Variants in SMAD3 observed in about 807,000 individuals in gnomAD.
The protein encoded by SMAD3 is MAD homolog 3.
Under a neutral mutation model 51.8 loss-of-function variants are expected in SMAD3, and 12 were observed. The observed-to-expected ratio is 0.23, with a 90% CI of 0.15 to 0.38. The LOEUF is 0.38. Among genes scored for constraint, SMAD3 ranks in the 10% least tolerant of loss-of-function variants. The pLI is 1.00. For synonymous variants in SMAD3, 238 were observed against 227.7 expected, an observed-to-expected ratio of 1.05 and a Z score of -0.41; for missense variants, 294 against 565.6, an observed-to-expected ratio of 0.52 and a Z score of 4.87.
At chr15:67,137,929 A>G in intron 1 of SMAD3, 1 of 814,554 alleles carries the variant, frequency 1.2e-6, no homozygotes, top group Admixed American at 2.0e-5. Context: ...GACAGAGAAA[A>G]TAGGAGGTAC....
chr15:67,128,212 A>G (rs1295075546), intron 1 of SMAD3: 1 of 152,230 alleles, frequency 6.6e-6, no homozygotes, highest in Non-Finnish European at 1.5e-5. Flanking sequence ...GAAGTAGAGC[A>G]TCTCTGGGGC....
At chr15:67,087,778 G>T (rs1960425849) in intron 1 of SMAD3, among the ~76,000 whole-genome samples, 2 of 152,202 alleles carry the variant, frequency 1.3e-5, no homozygotes, top group Admixed American at 6.5e-5. Flanking sequence ...AGACGTGTGT[G>T]TTTGTGCATG....
chr15:67,135,967 C>T (rs1306460042), intron 1 of SMAD3, among the ~76,000 whole-genome samples: 2 of 152,180 alleles, frequency 1.3e-5, no homozygotes, highest in Non-Finnish European at 2.9e-5. Context: ...TTCTCGCTCC[C>T]GTTTCACAGG....
At chr15:67,109,788 C>T (rs1033813502) in intron 1 of SMAD3, among the ~76,000 whole-genome samples, 51 of 152,330 alleles carry the variant, frequency 3.3e-4, no homozygotes, top group African/African-American at 1.1e-3. Context: ...CCTTACGCTC[C>T]GCCGGCCTCT....
intron 1 of SMAD3, among the ~76,000 whole-genome samples, chr15:67,112,101 C>A (rs971802072): frequency 6.8e-6 from 1 of 147,112 alleles, no homozygotes; most frequent in Non-Finnish European, 1.5e-5. Context: ...ATTTGTATAT[C>A]TTGTTTGGAG....
At chr15:67,157,850 A>G (rs1288650366) in intron 1 of SMAD3, among the ~76,000 whole-genome samples, 2 of 152,202 alleles carry the variant, frequency 1.3e-5, no homozygotes, top group Non-Finnish European at 2.9e-5. Context: ...AATGGGAGGA[A>G]ACCTAATTTC....
chr15:67,192,097 A>T lies in SMAD3; in HGVS notation c.*1561A>T, dbSNP rs1275046716. 1.7e-5 allele frequency: 4 copies of T among 232,600 alleles called. No individual in the cohort carries two copies. The highest frequency in any genetic ancestry group is 3.4e-5 in the Non-Finnish European group (4 of 117,366). The allele number at this position is 232,600 out of a possible 1,614,324, so 14.4% of individuals were successfully genotyped here. ...AATTTATAGCAGGAAAAATCAAGGG[A>T]TTTCCTATGGAAGTCCTGCTTTATT... On this transcript the variant is annotated 3_prime_UTR_variant, in exon 9 of 9. Coordinates refer to ENST00000327367, the MANE Select transcript of SMAD3 (RefSeq NM_005902.4).
intron 6 of SMAD3, among the ~76,000 whole-genome samples, chr15:67,184,083 A>G (rs1963154381): frequency 6.6e-6 from 1 of 150,880 alleles, no homozygotes; most frequent in African/African-American, 2.4e-5. Flanking sequence ...CTGCAAGGGT[A>G]GAGGTTATCA....
At position 67,190,775 on chromosome 15, in the gene SMAD3, T is replaced by C. The variant is rs986801638; in HGVS notation, c.*239T>C. 5.2e-6 allele frequency: 3 copies of C among 574,810 alleles called. No individual in the cohort carries two copies. Among genetic ancestry groups the C allele is most frequent in the Non-Finnish European group, 9.4e-6 (3 of 319,334 alleles). 35.6% of individuals were successfully genotyped at this position (574,810 alleles called of 1,614,324 possible). A position where few individuals can be genotyped will look rare whatever the true frequency, so the allele number is the denominator to read the frequency against. On this transcript the variant is annotated 3_prime_UTR_variant, in exon 9 of 9. Transcript: ENST00000327367. ...TGGCCCCACTTTGAAGGGCAAGAAA[T>C]GGCGTCTGCTCTGGTGGCTTAAGTG...
In SMAD3 at chr15:67,187,475, A is replaced by G. The variant is rs370394986; in HGVS notation, c.1120A>G (p.Met374Val). 3.1e-6 allele frequency: 5 copies of G among 1,614,022 alleles called. No homozygotes were observed. In the African/African-American group the frequency reaches 6.7e-5, roughly 22 times the overall value. ...GTTGACCCGAATGTGCACCATCCGC[A>G]TGAGCTTCGTCAAAGGCTGGGGAGC... ...YQLTRMCTIR[M>V]SFVKGWGAEY... Residue 374 changes from methionine (M) to valine (V), a missense_variant, in exon 8 of 9, where the codon ATG becomes GTG. This residue lies in a region of SMAD3 where 118 missense variants were observed against 278.0 expected (regional missense o/e 0.42). Coordinates refer to ENST00000327367, the MANE Select transcript of SMAD3 (RefSeq NM_005902.4).
At chr15:67,139,067 G>A (rs937472429) in intron 1 of SMAD3, among the ~76,000 whole-genome samples, 3 of 152,242 alleles carry the variant, frequency 2.0e-5, no homozygotes, top group South Asian at 2.1e-4. Context: ...TTAGCTCTCC[G>A]TTGCCCCATA....
rs1432044455 is a variant in SMAD3, at chr15:67,165,455, G to A, written c.532+71G>A. ...GGTCAGCCCCGACATCAGTCCTGTG[G>A]CCCCAATCTCTGCCCCCTGGCCGTC... is the stretch of plus-strand genomic sequence containing the variant. On this transcript the variant is annotated intron_variant, in intron 3 of 8. Transcript: ENST00000327367. 3.8e-6 allele frequency: 6 copies of A among 1,578,264 alleles called. No homozygotes were observed. The African/African-American group carries it at 8.1e-5, about 21-fold the overall frequency.
intron 1 of SMAD3, among the ~76,000 whole-genome samples, chr15:67,130,864 G>A (rs943754127): frequency 6.6e-6 from 1 of 151,916 alleles, no homozygotes; most frequent in Non-Finnish European, 1.5e-5. Flanking sequence ...CCCTTCGGTG[G>A]ACAGGGTTGG....
At chr15:67,113,243 C>T (rs1193317486) in intron 1 of SMAD3, among the ~76,000 whole-genome samples, 1 of 123,778 alleles carries the variant, frequency 8.1e-6, no homozygotes, top group Admixed American at 8.6e-5. Flanking sequence ...CCTGCCACCA[C>T]GCCCGGCCAA....
At chr15:67,106,048 C>A (rs924272791) in intron 1 of SMAD3, among the ~76,000 whole-genome samples, 2 of 152,094 alleles carry the variant, frequency 1.3e-5, no homozygotes, top group Non-Finnish European at 2.9e-5. Flanking sequence ...TCAGTTCTGC[C>A]CCCAGAATAT....
At chr15:67,156,600 GA>G (rs1962289793) in intron 1 of SMAD3, among the ~76,000 whole-genome samples, 1 of 152,214 alleles carries the variant, frequency 6.6e-6, no homozygotes, top group African/African-American at 2.4e-5. Context: ...AGTTAATTGG[GA>G]AAACTGGTGG....
chr15:67,066,418 G>A, intron 1 of SMAD3, 58 bp downstream of exon 1: 5 of 1,424,938 alleles, frequency 3.5e-6, no homozygotes, highest in Non-Finnish European at 4.9e-6. Flanking sequence ...CTGGCACTGC[G>A]GGGCCGACCC....
chr15:67,181,307 A>T lies in SMAD3; in HGVS notation c.725A>T (p.Gln242Leu), dbSNP rs748488255. The T allele has an allele frequency of 6.2e-7, 1 of 1,614,042 alleles. No homozygotes were observed. Among genetic ancestry groups the T allele is most frequent in the Non-Finnish European group, 8.5e-7 (1 of 1,180,022 alleles). ...TCCATCTCCTACTACGAGCTGAACC[A>T]GCGCGTCGGGGAGACATTCCACGCC... ...WCSISYYELN[Q>L]RVGETFHASQ... is the part of the protein sequence containing the mutation. The change falls in exon 6 of 9, where the codon CAG becomes CTG. Residue 242 changes from glutamine to leucine, a missense_variant. Gln to Leu is a moderately radical substitution (Grantham distance 113). Coordinates refer to ENST00000327367, the MANE Select transcript of SMAD3 (RefSeq NM_005902.4).
intron 1 of SMAD3, among the ~76,000 whole-genome samples, chr15:67,100,438 G>C (rs1960725414): frequency 6.6e-6 from 1 of 151,944 alleles, no homozygotes; most frequent in East Asian, 1.9e-4. Flanking sequence ...CAAAATAGTT[G>C]CGGTGGTTGT....
Sources: allele counts gnomAD v4.1 joint callset (sites outside exome capture counted in the v4.1 genomes callset), GRCh38; gene constraint gnomAD v4.1.1; regional missense constraint gnomAD v4.1.1; transcripts MANE v1.5; gene names NCBI Gene and HGNC (gene_info 2026-07-23, HGNC 2026-07-21).